The following MPZL2 variants were observed in gnomAD, a reference collection of about 807,000 sequenced individuals.
The protein encoded by MPZL2 is myelin protein zero-like protein 2.
In MPZL2, 32 loss-of-function variants were observed where a neutral mutation model predicts 24.5. The ratio of observed to expected loss-of-function variants is 1.31; its 90% CI spans 0.99 to 1.76. The LOEUF (loss-of-function observed/expected upper bound fraction) is 1.76. Among genes scored for constraint, MPZL2 ranks in the 40% most tolerant of loss-of-function variants. The pLI, the probability that MPZL2 is intolerant of heterozygous loss-of-function variation, is 0.00. For missense variants in MPZL2, 304 were observed against 274.9 expected, an observed-to-expected ratio of 1.11 and a Z score of -0.75; for synonymous variants, 92 against 97.9, an observed-to-expected ratio of 0.94 and a Z score of 0.36.
chr11:118,260,150 G>A lies in MPZL2; in HGVS notation c.488C>T (p.Ala163Val), dbSNP rs1404134938. ...TACAATTACTATTATGATCATCAGT[G>A]CACAGGCAGAGCCAATGGCCAGAGC... is the stretch of plus-strand genomic sequence containing the variant. ...FLALAIGSAC[A>V]LMIIIVIVVV... Residue 163 changes from alanine (A) to valine (V), a missense_variant, in exon 4 of 6, where the codon GCA (alanine) becomes GTA (valine). Coordinates refer to ENST00000278937, the MANE Select transcript of MPZL2 (RefSeq NM_005797.4). 3 of 1,614,092 alleles carry A rather than the reference G, an allele frequency of 1.9e-6. No homozygotes were observed. The South Asian group carries it at 3.3e-5, about 18-fold the overall frequency.
Position 118,260,306 on chromosome 11 carries a change from T to C in MPZL2, c.437-105A>G. The C allele has an allele frequency of 3.4e-6, 4 of 1,174,888 alleles. No individual in the cohort carries two copies. The South Asian group carries it at 6.1e-5, about 18-fold the overall frequency. 72.8% of individuals were successfully genotyped at this position (1,174,888 alleles called of 1,614,324 possible). A position where few individuals can be genotyped will look rare whatever the true frequency, so the allele number is the denominator to read the frequency against. On this transcript the variant is annotated intron_variant, in intron 3 of 5. Coordinates refer to ENST00000278937, the MANE Select transcript of MPZL2 (RefSeq NM_005797.4). ...TTTAATCAATAGATGGAATCTTCCTTTATCCTACCTTTATGCATAAAATAA... is the reference window on the plus strand; with the variant it reads ...TTTAATCAATAGATGGAATCTTCCTCTATCCTACCTTTATGCATAAAATAA...
At chr11:118,257,087 T>C (rs552214826) in intron 5 of MPZL2, 151 bp downstream of exon 5, 1 of 511,616 alleles carries the variant, frequency 2.0e-6, no homozygotes, top group South Asian at 3.4e-5. Flanking sequence ...ATAAGACTAA[T>C]AGAAGACTTT....
chr11:118,260,335 AT>A (rs1949691862), intron 3 of MPZL2, 134 bp from the exon 4 acceptor site: 1 of 850,610 alleles, frequency 1.2e-6, no homozygotes, highest in Non-Finnish European at 1.8e-6. Context: ...AAAATAATAT[AT>A]TACCTTGTGA....
intron 1 of MPZL2, among the ~76,000 whole-genome samples, chr11:118,263,455 T>C (rs1949717999): frequency 6.6e-6 from 1 of 152,170 alleles, no homozygotes; most frequent in Non-Finnish European, 1.5e-5. Context: ...AATCATAACA[T>C]TGATTAGACA....
Position 118,259,991 on chromosome 11 carries a change from A to G in MPZL2, c.584+63T>C, listed in dbSNP as rs1172241214. The G allele has an allele frequency of 3.2e-5, 50 of 1,575,078 alleles. 1 individual carries two copies. The highest frequency in any genetic ancestry group is 3.9e-5 in the Non-Finnish European group (45 of 1,152,164). ...CATCTGTTCAGCAACTATTTAGCCC[A>G]CTGCAAAATACCAAGAGTCGCCATA... On this transcript the variant is annotated intron_variant, in intron 4 of 5. Transcript: ENST00000278937.
rs1180805476 is a variant in MPZL2 at position 118,262,502 on chromosome 11, C to G, written c.372G>C (p.Gln124His). 4 of 1,614,064 alleles carry G rather than the reference C, an allele frequency of 2.5e-6. No homozygotes were observed. The African/African-American group carries it at 5.3e-5, about 22-fold the overall frequency. Residue 124 changes from glutamine (Q) to histidine (H), a missense_variant, in exon 3 of 6, where the codon CAG becomes CAC. By Grantham distance (24) the Gln-to-His change is conservative. Coordinates refer to ENST00000278937, the MANE Select transcript of MPZL2 (RefSeq NM_005797.4). Reference sequence around the variant, plus strand: ...CATCAACATCAGGTGGGTTCTTCACCTGGCAGGTGTATGTCCCATTGTCGT... The same window carrying G: ...CATCAACATCAGGTGGGTTCTTCACGTGGCAGGTGTATGTCCCATTGTCGT... ...QFDDNGTYTCQVKNPPDVDGV... is the reference protein window; with the variant it reads ...QFDDNGTYTCHVKNPPDVDGV...
At chr11:118,262,686 C>T in intron 2 of MPZL2, 38 bp from the exon 3 acceptor site, 1 of 1,596,928 alleles carries the variant, frequency 6.3e-7, no homozygotes, top group Non-Finnish European at 8.6e-7. Context: ...TCTTACTCAG[C>T]ACCCAGGCAA....
intron 3 of MPZL2, among the ~76,000 whole-genome samples, chr11:118,261,947 A>G (rs1949703410): frequency 6.6e-6 from 1 of 152,246 alleles, no homozygotes; most frequent in African/African-American, 2.4e-5. Flanking sequence ...ATTAAATAAA[A>G]TGTGTCATGT....
At chr11:118,260,791 G>A (rs1423341640) in intron 3 of MPZL2, among the ~76,000 whole-genome samples, 1 of 152,140 alleles carries the variant, frequency 6.6e-6, no homozygotes, top group Non-Finnish European at 1.5e-5. Context: ...ACAGTCTAGT[G>A]GATAAATGAT....
At chr11:118,255,393 A>G (rs1018628348) in intron 5 of MPZL2, among the ~76,000 whole-genome samples, 160 bp from the exon 6 acceptor site, 4 of 152,176 alleles carry the variant, frequency 2.6e-5, no homozygotes, top group Admixed American at 6.5e-5. Flanking sequence ...AAGTTTCCTA[A>G]TCCTTATTAC....
intron 3 of MPZL2, 84 bp downstream of exon 3, chr11:118,262,354 C>G (rs1284490295): frequency 2.8e-5 from 39 of 1,402,464 alleles, no homozygotes; most frequent in Non-Finnish European, 3.9e-5. Context: ...GATTGTCCCT[C>G]TCTCTCAGCC....
In MPZL2 at chr11:118,263,082, G is replaced by A; in HGVS notation, c.74C>T (p.Ala25Val). 1.9e-6 allele frequency: 3 copies of A among 1,613,918 alleles called. No individual in the cohort carries two copies. The highest frequency in any genetic ancestry group is 2.5e-6 in the Non-Finnish European group (3 of 1,179,940). ...GIQLTALWPI[A>V]AVEIYTSRVL... ...CCGGGAGGTATAAATTTCCACAGCT[G>A]CTATAGGCCAAAGAGCTGCAATGAA... is the stretch of plus-strand genomic sequence containing the variant. The change falls in exon 2 of 6, where the codon GCA becomes GTA. Residue 25 changes from alanine to valine, a missense_variant. Coordinates refer to ENST00000278937, the MANE Select transcript of MPZL2 (RefSeq NM_005797.4).
intron 5 of MPZL2, 49 bp downstream of exon 5, chr11:118,257,189 G>C (rs1949666236): frequency 3.6e-6 from 5 of 1,372,770 alleles, no homozygotes; most frequent in Middle Eastern, 3.6e-4. Context: ...AGATGGGCTG[G>C]ACATGTCAGA....
chr11:118,259,084 A>G (rs1269684454), intron 4 of MPZL2, among the ~76,000 whole-genome samples: 1 of 152,060 alleles, frequency 6.6e-6, no homozygotes, highest in Non-Finnish European at 1.5e-5. Context: ...GCTGACAGGA[A>G]TGCAAAATAG....
rs923907190 is a variant in MPZL2 at position 118,260,161 on chromosome 11, G to A, written c.477C>T (p.Gly159=). The change falls in exon 4 of 6, where the codon GGC becomes GGT. Residue 159 remains glycine (G), a synonymous_variant. Coordinates refer to ENST00000278937, the MANE Select transcript of MPZL2 (RefSeq NM_005797.4). ...TTATGATCATCAGTGCACAGGCAGA[G>A]CCAATGGCCAGAGCCAGGAAGTGGA... The part of the protein sequence containing the change: ...SEIHFLALAI[G]SACALMIIIV... 1.2e-6 allele frequency: 2 copies of A among 1,613,994 alleles called. No individual in the cohort carries two copies. The highest frequency in any genetic ancestry group is 2.7e-5 in the African/African-American group (2 of 74,912).
chr11:118,263,744 T>C (rs751429869), intron 1 of MPZL2, among the ~76,000 whole-genome samples: 1 of 152,108 alleles, frequency 6.6e-6, no homozygotes, highest in South Asian at 2.1e-4. Context: ...ACTTTCCTGG[T>C]GTTGCTGAGA....
rs1488781238 is a variant in MPZL2 at position 118,262,478 on chromosome 11, A to T, written c.396T>A (p.Asp132Glu). 1 of 1,613,904 alleles carries T rather than the reference A, an allele frequency of 6.2e-7. No homozygotes were observed. The highest frequency in any genetic ancestry group is 8.5e-7 in the Non-Finnish European group (1 of 1,179,998). Residue 132 changes from aspartate (D) to glutamate (E), a missense_variant, in exon 3 of 6, where the codon GAT (aspartate) becomes GAA (glutamate). Coordinates refer to ENST00000278937, the MANE Select transcript of MPZL2 (RefSeq NM_005797.4). The stretch of plus-strand genomic sequence containing the variant: ...TGAGCCGGATCTCCCCTATCACCCC[A>T]TCAACATCAGGTGGGTTCTTCACCT... Reference protein sequence around the residue: ...TCQVKNPPDVDGVIGEIRLSV... With the variant: ...TCQVKNPPDVEGVIGEIRLSV...
intron 3 of MPZL2, 146 bp downstream of exon 3, chr11:118,262,292 T>C: frequency 1.2e-6 from 1 of 829,768 alleles, no homozygotes; most frequent in Non-Finnish European, 1.9e-6. Context: ...TCGGTCTCCC[T>C]CTGAGGCTCC....
intron 3 of MPZL2, among the ~76,000 whole-genome samples, chr11:118,260,455 A>G (rs551018887): frequency 6.6e-6 from 1 of 152,276 alleles, no homozygotes; most frequent in South Asian, 2.1e-4. Flanking sequence ...CTTAGGCCCC[A>G]CCCCAGACCT....
Sources: allele counts gnomAD v4.1 joint callset (sites outside exome capture counted in the v4.1 genomes callset), GRCh38; gene constraint gnomAD v4.1.1; transcripts MANE v1.5; gene names NCBI Gene and HGNC (gene_info 2026-07-23, HGNC 2026-07-21).